Variants in SRGAP1 observed in about 807,000 individuals in gnomAD.
SRGAP1 encodes SLIT-ROBO Rho GTPase activating protein 1.
Under a neutral mutation model 121.9 loss-of-function variants are expected in SRGAP1, and 43 were observed. The ratio of observed to expected loss-of-function variants is 0.35; its 90% confidence interval spans 0.28 to 0.46. The LOEUF is 0.46. Among genes scored for constraint, SRGAP1 ranks in the 20% least tolerant of loss-of-function variants. SRGAP1 has a pLI of 1.00. For synonymous variants in SRGAP1, 447 were observed against 485.4 expected (o/e 0.92, Z 1.04); for missense variants, 1,102 against 1,350.9 (o/e 0.82, Z 2.89).
intron 3 of SRGAP1, among the ~76,000 whole-genome samples, chr12:64,013,728 A>G (rs1339786904): frequency 4.6e-5 from 7 of 152,222 alleles, no homozygotes; most frequent in Non-Finnish European, 7.3e-5. Context: ...AATTCATTCA[A>G]TAGCACTGGT....
chr12:63,881,610 A>T (rs1403862009), intron 1 of SRGAP1, among the ~76,000 whole-genome samples: 1 of 152,212 alleles, frequency 6.6e-6, no homozygotes, highest in Non-Finnish European at 1.5e-5. Context: ...GTGCAGCTTA[A>T]ATATGATAAT....
chr12:63,935,593 A>G (rs1166358183), intron 1 of SRGAP1, among the ~76,000 whole-genome samples: 1 of 152,242 alleles, frequency 6.6e-6, no homozygotes, highest in Non-Finnish European at 1.5e-5. Flanking sequence ...AAATGACACA[A>G]TACTTTCTGG....
intron 21 of SRGAP1, among the ~76,000 whole-genome samples, chr12:64,129,848 C>T (rs902525532): frequency 5.3e-5 from 8 of 152,264 alleles, no homozygotes; most frequent in Middle Eastern, 3.4e-3. Flanking sequence ...ATGTTTTTAA[C>T]GAAAGAAGGA....
At position 64,151,432 on chromosome 12, in the gene SRGAP1, A is replaced by T. The variant is rs1009064630; in HGVS notation, c.*8760A>T. 6.6e-6 allele frequency: 1 copy of T among 151,948 alleles called. No individual in the cohort carries two copies. The highest frequency in any genetic ancestry group is 1.9e-4 in the East Asian group (1 of 5,182). 9.4% of individuals were successfully genotyped at this position (151,948 alleles called of 1,614,324 possible). Reference sequence around the variant, plus strand: ...AAGGTTTTGTTTTTTTTTCAATTGAATGTTATGTTGTGGTGAGCAGCTCTG... The same window carrying T: ...AAGGTTTTGTTTTTTTTTCAATTGATTGTTATGTTGTGGTGAGCAGCTCTG... On this transcript the variant is annotated 3_prime_UTR_variant, in exon 22 of 22. Transcript: ENST00000355086.
At chr12:63,952,866 G>A (rs182579686) in intron 1 of SRGAP1, among the ~76,000 whole-genome samples, 1 of 151,794 alleles carries the variant, frequency 6.6e-6, no homozygotes, top group Middle Eastern at 3.2e-3. Context: ...GGCTGTTTTC[G>A]AACTCCTGGC....
intron 21 of SRGAP1, among the ~76,000 whole-genome samples, chr12:64,140,559 A>G (rs1255069571): frequency 6.6e-6 from 1 of 152,148 alleles, no homozygotes; most frequent in Admixed American, 6.5e-5. Flanking sequence ...TTGCAAATCA[A>G]AACTACAATG....
intron 8 of SRGAP1, among the ~76,000 whole-genome samples, chr12:64,067,374 C>T (rs935759311): frequency 1.3e-5 from 2 of 152,136 alleles, no homozygotes; most frequent in African/African-American, 4.8e-5. Context: ...GGTGCCACTG[C>T]ACTTTAGCCT....
In SRGAP1 at chr12:64,149,434, T is replaced by C. The variant is rs1260869780; in HGVS notation, c.*6762T>C. On this transcript the variant is annotated 3_prime_UTR_variant, in exon 22 of 22. Coordinates refer to ENST00000355086, the MANE Select transcript of SRGAP1 (RefSeq NM_020762.4). ...TACTTTAGGACCACAGAGTTGGATT[T>C]AGAGGCTAGCCCACCAGGAACAAAT... is the stretch of plus-strand genomic sequence containing the variant. 6.6e-6 allele frequency: 1 copy of C among 152,228 alleles called. No individual in the cohort carries two copies. Among genetic ancestry groups the C allele is most frequent in the Non-Finnish European group, 1.5e-5 (1 of 68,058 alleles). 9.4% of individuals were successfully genotyped at this position (152,228 alleles called of 1,614,324 possible). A position where few individuals can be genotyped will look rare whatever the true frequency, so the allele number is the denominator to read the frequency against.
At chr12:63,959,362 C>T (rs2032567627) in intron 1 of SRGAP1, among the ~76,000 whole-genome samples, 1 of 152,052 alleles carries the variant, frequency 6.6e-6, no homozygotes, top group South Asian at 2.1e-4. Context: ...AGTATTGGTG[C>T]CAGGACAGCT....
intron 1 of SRGAP1, among the ~76,000 whole-genome samples, chr12:63,861,246 C>A (rs1899436184): frequency 6.8e-6 from 1 of 147,996 alleles, no homozygotes; most frequent in African/African-American, 2.5e-5. Flanking sequence ...CTCCTGAGCT[C>A]AAGCAATCTG....
rs565620635 is a variant in SRGAP1, at chr12:63,973,819, A to G, written c.68-10128A>G. Reference sequence around the variant, plus strand: ...TCCATTTTTAAAACTTATTCAGAGAAAAACATGTGTAAACTTTGATATATA... The same window carrying G: ...TCCATTTTTAAAACTTATTCAGAGAGAAACATGTGTAAACTTTGATATATA... On this transcript the variant is annotated intron_variant, in intron 1 of 21. Transcript: ENST00000355086. 2.6e-5 allele frequency among the ~76,000 whole-genome samples: 4 copies of G among 152,344 alleles called. No homozygotes were observed. In the East Asian group the frequency reaches 7.7e-4, roughly 29 times the overall value.
chr12:64,008,161 G>T (rs148697958), intron 3 of SRGAP1, among the ~76,000 whole-genome samples: 3 of 152,052 alleles, frequency 2.0e-5, no homozygotes, highest in Non-Finnish European at 4.4e-5. Flanking sequence ...ATTTTACAGC[G>T]GAAACAGCTC....
At chr12:63,869,762 A>G (rs1049524781) in intron 1 of SRGAP1, among the ~76,000 whole-genome samples, 2 of 152,238 alleles carry the variant, frequency 1.3e-5, no homozygotes, top group Admixed American at 1.3e-4. Flanking sequence ...GGTTGGTGCA[A>G]AAGTAATGGC....
intron 12 of SRGAP1, chr12:64,091,988 T>C: frequency 7.4e-7 from 1 of 1,360,012 alleles, no homozygotes; most frequent in South Asian, 1.3e-5. Flanking sequence ...CAAGTCGTGC[T>C]CATGCTTGGC....
At chr12:63,914,726 A>G (rs1253048430) in intron 1 of SRGAP1, among the ~76,000 whole-genome samples, 3 of 152,182 alleles carry the variant, frequency 2.0e-5, no homozygotes, top group Admixed American at 1.3e-4. Context: ...GCTAACGGAA[A>G]ACCCTACAAG....
At chr12:63,956,120 G>A (rs1211009387) in intron 1 of SRGAP1, among the ~76,000 whole-genome samples, 1 of 152,062 alleles carries the variant, frequency 6.6e-6, no homozygotes, top group Non-Finnish European at 1.5e-5. Context: ...GAGTGCATTG[G>A]CGCAATCCCG....
At position 64,146,047 on chromosome 12, in the gene SRGAP1, G is replaced by C. The variant is rs1023466409; in HGVS notation, c.*3375G>C. The C allele has an allele frequency of 3.8e-4, 58 of 152,244 alleles. No individual in the cohort carries two copies. Among genetic ancestry groups the C allele is most frequent in the African/African-American group, 1.4e-3 (58 of 41,444 alleles). 9.4% of individuals were successfully genotyped at this position (152,244 alleles called of 1,614,324 possible). On this transcript the variant is annotated 3_prime_UTR_variant, in exon 22 of 22. Coordinates refer to ENST00000355086, the MANE Select transcript of SRGAP1 (RefSeq NM_020762.4). ...ATTCATCAAGTCAGCCTTTTGGACT[G>C]GGTTGGGGTTTGGGGAGTGGATTTG...
chr12:63,887,465 G>A (rs1900426991), intron 1 of SRGAP1: 1 of 152,256 alleles, frequency 6.6e-6, no homozygotes, highest in South Asian at 2.1e-4. Context: ...GGCAATGGAG[G>A]AAGAAGGAAA....
Position 64,112,006 on chromosome 12 carries a change from T to A in SRGAP1, c.2144+20T>A. The A allele has an allele frequency of 1.1e-5, 17 of 1,582,396 alleles. No individual in the cohort carries two copies. Among genetic ancestry groups the A allele is most frequent in the Non-Finnish European group, 1.4e-5 (16 of 1,154,914 alleles). ...CTATTGGTAAGTCTAAGAATTTTAG[T>A]CCTCCTCTCCCACCGAAAATTATGG... On this transcript the variant is annotated intron_variant, in intron 17 of 21. Coordinates refer to ENST00000355086, the MANE Select transcript of SRGAP1 (RefSeq NM_020762.4).
Sources: gnomAD v4.1 joint callset for allele counts (sites outside exome capture counted in the v4.1 genomes callset) on GRCh38, gnomAD v4.1.1 for gene constraint, MANE v1.5 for transcripts, NCBI Gene and HGNC (gene_info 2026-07-23, HGNC 2026-07-21) for gene names.